QKI: variants seen among roughly 807,000 people sequenced by gnomAD.
QKI encodes QKI, KH domain containing RNA binding, also known as KH domain-containing RNA-binding protein QKI.
A neutral mutation model predicts 39.0 loss-of-function variants in QKI; 10 were observed. That is an observed-to-expected ratio of 0.26 (90% CI 0.16 to 0.43). The LOEUF is 0.43. Among genes scored for constraint, QKI ranks in the 20% least tolerant of loss-of-function variants. QKI has a pLI of 1.00. For missense variants in QKI, 218 were observed against 428.0 expected, an observed-to-expected ratio of 0.51 and a Z score of 4.33; for synonymous variants, 204 against 155.4, an observed-to-expected ratio of 1.31 and a Z score of -2.33.
intron 3 of QKI, among the ~76,000 whole-genome samples, chr6:163,512,040 A>C (rs1779515359): frequency 6.6e-6 from 1 of 152,078 alleles, no homozygotes; most frequent in African/African-American, 2.4e-5. Context: ...TTTAGTTTTA[A>C]CATCTTGAAA....
intron 2 of QKI, among the ~76,000 whole-genome samples, chr6:163,464,576 T>C (rs1290401482): frequency 6.6e-6 from 1 of 151,986 alleles, no homozygotes; most frequent in Non-Finnish European, 1.5e-5. Context: ...GCCAAAAAAT[T>C]GAACAAACTA....
chr6:163,548,803 T>C (rs1782043639), intron 4 of QKI, among the ~76,000 whole-genome samples: 1 of 152,058 alleles, frequency 6.6e-6, no homozygotes, highest in South Asian at 2.1e-4. Context: ...GGCTACGAGG[T>C]GAGAGAACAT....
intron 1 of QKI, among the ~76,000 whole-genome samples, 190 bp downstream of exon 1, chr6:163,415,525 A>T (rs935635615): frequency 6.7e-6 from 1 of 148,586 alleles, no homozygotes. Flanking sequence ...GCCGGGGTGG[A>T]CCCGCCGGTG....
chr6:163,509,487 G>C lies in QKI; in HGVS notation c.403-25495G>C, dbSNP rs1335383570. On this transcript the variant is annotated intron_variant, in intron 3 of 7. Transcript: ENST00000361752. Reference sequence around the variant, plus strand: ...TATGACCATTTAATAAAGGGGGGGGGGAATAGTATTGTCCTGTGGAGTTTT... The same window carrying C: ...TATGACCATTTAATAAAGGGGGGGGCGAATAGTATTGTCCTGTGGAGTTTT... Among the ~76,000 whole-genome samples, 3 of 151,998 alleles carry C rather than the reference G, an allele frequency of 2.0e-5. No homozygotes were observed. In the South Asian group the frequency reaches 6.2e-4, roughly 32 times the overall value.
At chr6:163,490,266 T>C (rs1220722979) in intron 3 of QKI, among the ~76,000 whole-genome samples, 1 of 152,212 alleles carries the variant, frequency 6.6e-6, no homozygotes, top group Non-Finnish European at 1.5e-5. Context: ...TGACTGTTAG[T>C]CAGTTTTCAT....
intron 4 of QKI, among the ~76,000 whole-genome samples, chr6:163,542,415 T>C (rs1025551737): frequency 6.6e-6 from 1 of 151,922 alleles, no homozygotes; most frequent in South Asian, 2.1e-4. Context: ...TATGCTGATA[T>C]TAAGATTGAG....
intron 3 of QKI, among the ~76,000 whole-genome samples, chr6:163,524,010 G>T (rs949764763): frequency 2.0e-5 from 3 of 152,166 alleles, no homozygotes; most frequent in East Asian, 1.9e-4. Flanking sequence ...GGTAGTATTT[G>T]AACTCATTCT....
rs34303940 is a variant in QKI, at chr6:163,541,498, CTT to C, written c.546+6385_546+6386del. 4.9e-5 allele frequency among the ~76,000 whole-genome samples: 7 copies of C among 142,444 alleles called. No homozygotes were observed. The South Asian group carries it at 1.1e-3, about 22-fold the overall frequency. The allele number at this position is 142,444 out of a possible 152,430, so 93.4% of individuals were successfully genotyped here. A position where few individuals can be genotyped will look rare whatever the true frequency, so the allele number is the denominator to read the frequency against. On this transcript the variant is annotated intron_variant, in intron 4 of 7. Coordinates refer to ENST00000361752, the MANE Select transcript of QKI (RefSeq NM_006775.3). ...ACTCAGATCTTCTCCTATGTCTACC[CTT>C]TTTTTTTTTTTCCTTTTCTCTAGTT... is the stretch of plus-strand genomic sequence containing the variant.
intron 2 of QKI, among the ~76,000 whole-genome samples, chr6:163,467,079 G>A (rs1345501064): frequency 6.6e-6 from 1 of 151,114 alleles, no homozygotes; most frequent in African/African-American, 2.4e-5. Context: ...TTAAAAATAG[G>A]CAAATAACTT....
chr6:163,481,476 A>G (rs1325396924), intron 3 of QKI, among the ~76,000 whole-genome samples: 1 of 152,150 alleles, frequency 6.6e-6, no homozygotes, highest in Non-Finnish European at 1.5e-5. Flanking sequence ...TGAAAAAAAT[A>G]CCTGTGAAAG....
chr6:163,504,633 A>C (rs1285096097), intron 3 of QKI, among the ~76,000 whole-genome samples: 1 of 152,134 alleles, frequency 6.6e-6, no homozygotes, highest in Non-Finnish European at 1.5e-5. Flanking sequence ...GCTGTCGTAA[A>C]TGGGATGCAT....
rs1777595842 is a variant in QKI, at chr6:163,576,919, A to G, written c.*6209A>G. The G allele has an allele frequency of 6.6e-6, 1 of 152,228 alleles. No individual in the cohort carries two copies. The highest frequency in any genetic ancestry group is 6.5e-5 in the Admixed American group (1 of 15,276). The allele number at this position is 152,228 out of a possible 1,614,324, so 9.4% of individuals were successfully genotyped here. A position where few individuals can be genotyped will look rare whatever the true frequency, so the allele number is the denominator to read the frequency against. On this transcript the variant is annotated 3_prime_UTR_variant, in exon 8 of 8. Coordinates refer to ENST00000361752, the MANE Select transcript of QKI (RefSeq NM_006775.3). ...GGGAGATTAGTAAACAGACTGCTACAGTGTTCCATAGTTGGACTGTGCATC... is the reference window on the plus strand; with the variant it reads ...GGGAGATTAGTAAACAGACTGCTACGGTGTTCCATAGTTGGACTGTGCATC...
At chr6:163,441,262 C>G (rs1248587035) in intron 1 of QKI, among the ~76,000 whole-genome samples, 1 of 152,128 alleles carries the variant, frequency 6.6e-6, no homozygotes, top group Non-Finnish European at 1.5e-5. Flanking sequence ...CTAAACTTCT[C>G]AAGTCCAGAA....
chr6:163,569,504 G>A, intron 7 of QKI: 6 of 1,264,698 alleles, frequency 4.7e-6, no homozygotes, highest in Non-Finnish European at 6.1e-6. Flanking sequence ...TTAAGCTGTT[G>A]AATGAGTCTT....
intron 6 of QKI, chr6:163,564,561 A>T: frequency 6.3e-7 from 1 of 1,583,794 alleles, no homozygotes; most frequent in Non-Finnish European, 8.6e-7. Flanking sequence ...CTGAATTCAG[A>T]ATCTCACTTA....
At chr6:163,546,714 G>A (rs1481686382) in intron 4 of QKI, among the ~76,000 whole-genome samples, 3 of 151,954 alleles carry the variant, frequency 2.0e-5, no homozygotes, top group African/African-American at 4.8e-5. Flanking sequence ...AAGCATTTTA[G>A]TATTAAGATT....
chr6:163,415,153 C>A lies in QKI; in HGVS notation c.-41C>A. ...GCCCCTCCCTCCTCTCCGGCGGCGG[C>A]GGCGGCGGCGGCGGGCGGAGTGAGC... On this transcript the variant is annotated 5_prime_UTR_variant, in exon 1 of 8. Transcript: ENST00000361752. The A allele has an allele frequency of 7.1e-7, 1 of 1,408,176 alleles. No homozygotes were observed. 87.2% of individuals were successfully genotyped at this position (1,408,176 alleles called of 1,614,324 possible). A position where few individuals can be genotyped will look rare whatever the true frequency, so the allele number is the denominator to read the frequency against.
intron 5 of QKI, 118 bp from the exon 6 acceptor site, chr6:163,563,301 AT>A (rs1443709471): frequency 1.9e-5 from 18 of 952,878 alleles, no homozygotes; most frequent in Non-Finnish European, 2.8e-5. Flanking sequence ...TGTACTAATG[AT>A]TTCCTTTTAT....
At chr6:163,513,127 T>G (rs1779587383) in intron 3 of QKI, among the ~76,000 whole-genome samples, 1 of 152,196 alleles carries the variant, frequency 6.6e-6, no homozygotes, top group South Asian at 2.1e-4. Context: ...ATCATAGGCA[T>G]GTGTTTATAG....
Sources: allele counts gnomAD v4.1 joint callset (sites outside exome capture counted in the v4.1 genomes callset), GRCh38; gene constraint gnomAD v4.1.1; transcripts MANE v1.5; gene names NCBI Gene and HGNC (gene_info 2026-07-23, HGNC 2026-07-21).